Variants in ANKRD11 observed in about 807,000 individuals in gnomAD.
ANKRD11 encodes the protein ankyrin repeat domain 11.
A neutral mutation model predicts 195.7 loss-of-function variants in ANKRD11; 17 were observed. The observed-to-expected ratio is 0.09, with a 90% CI of 0.06 to 0.13. The LOEUF (loss-of-function observed/expected upper bound fraction) is 0.13. Ranked by LOEUF, ANKRD11 falls within the 10% of genes least tolerant of loss-of-function variation. The pLI is 1.00. For synonymous variants in ANKRD11, 1,953 were observed against 1,528.1 expected (o/e 1.28, Z -6.49); for missense variants, 3,735 against 3,566.1 (o/e 1.05, Z -1.21).
At chr16:89,452,078 G>A (rs1190230622) in intron 1 of ANKRD11, among the ~76,000 whole-genome samples, 5 of 152,028 alleles carry the variant, frequency 3.3e-5, no homozygotes, top group African/African-American at 4.8e-5. Flanking sequence ...GGACAACACG[G>A]TGAAACCCCA....
intron 3 of ANKRD11, among the ~76,000 whole-genome samples, chr16:89,314,206 ACT>A (rs746458011): frequency 6.6e-4 from 101 of 151,978 alleles, no homozygotes; most frequent in Non-Finnish European, 1.3e-3. Context: ...GTGAGCTGAG[ACT>A]CTACCACTGC....
At chr16:89,314,402 GTTCA>G (rs1198306755) in intron 3 of ANKRD11, among the ~76,000 whole-genome samples, 1 of 152,178 alleles carries the variant, frequency 6.6e-6, no homozygotes, top group Non-Finnish European at 1.5e-5. Flanking sequence ...TATCAGGCCA[GTTCA>G]TCAAGTCTCT....
In ANKRD11 at chr16:89,290,768, G is replaced by A. The variant is rs780204136; in HGVS notation, c.458C>T (p.Ser153Phe). The A allele has an allele frequency of 1.9e-6, 3 of 1,614,156 alleles. No individual in the cohort carries two copies. In the South Asian group the frequency reaches 3.3e-5, roughly 18 times the overall value. Residue 153 changes from serine to phenylalanine, a missense_variant, in exon 6 of 13, where the codon TCT becomes TTT. Transcript: ENST00000301030. ...CACTTTATCTTTGGTTTTTGAGGCA[G>A]AGTTGGGCGTTCCCTTCTGACACAC... Reference protein sequence around the residue: ...STVCQKGTPNSASKTKDKVNK... With the variant: ...STVCQKGTPNFASKTKDKVNK...
chr16:89,334,144 T>TAAAAAAAAAAAAAAAAAAAAA (rs869142504), intron 2 of ANKRD11, among the ~76,000 whole-genome samples: 5 of 41,416 alleles, frequency 1.2e-4, no homozygotes, highest in African/African-American at 4.8e-4. Flanking sequence ...CCCTGTGTTT[T>TAAAAAAAAAAAAAAAAAAAAA]AAAAAAAAAA....
Position 89,280,983 on chromosome 16 carries a change from T to C in ANKRD11, c.5559A>G (p.Pro1853=), listed in dbSNP as rs750925480. ...FACLSPGYYS[P]DYGLPSPKVD... ...CTTTGGGCGACGGGAGGCCATAGTC[T>C]GGGGAGTAGTACCCTGGCGACAAGC... Residue 1853 remains proline, a synonymous_variant, in exon 9 of 13, where the codon CCA becomes CCG. Transcript: ENST00000301030. The C allele has an allele frequency of 6.4e-7, 1 of 1,574,416 alleles. No individual in the cohort carries two copies. Among genetic ancestry groups the C allele is most frequent in the Non-Finnish European group, 8.6e-7 (1 of 1,157,872 alleles).
chr16:89,481,088 G>A (rs2057429585), intron 1 of ANKRD11, among the ~76,000 whole-genome samples: 1 of 151,996 alleles, frequency 6.6e-6, no homozygotes, highest in Non-Finnish European at 1.5e-5. Flanking sequence ...TTGCTCTATC[G>A]TTTCACAAAG....
At chr16:89,269,486 C>G (rs187977191) in intron 12 of ANKRD11, among the ~76,000 whole-genome samples, 1 of 152,196 alleles carries the variant, frequency 6.6e-6, no homozygotes, top group Non-Finnish European at 1.5e-5. Context: ...GCTCAGACAT[C>G]ACCAGTGTAA....
chr16:89,472,521 C>A (rs2057121260), intron 1 of ANKRD11, among the ~76,000 whole-genome samples: 1 of 152,190 alleles, frequency 6.6e-6, no homozygotes, highest in South Asian at 2.1e-4. Context: ...TCCTCTGACC[C>A]ATTTATTGAT....
chr16:89,448,422 C>T (rs1019979706), intron 1 of ANKRD11, among the ~76,000 whole-genome samples: 1 of 152,186 alleles, frequency 6.6e-6, no homozygotes, highest in Admixed American at 6.5e-5. Context: ...TCAGAATTCA[C>T]ACCATGAGTT....
chr16:89,390,968 C>G (rs1311563581), intron 2 of ANKRD11, among the ~76,000 whole-genome samples: 2 of 152,154 alleles, frequency 1.3e-5, no homozygotes, highest in Non-Finnish European at 2.9e-5. Flanking sequence ...ATGGCTCACG[C>G]CTGTAATCAC....
chr16:89,280,708 T>C lies in ANKRD11; in HGVS notation c.5834A>G (p.Glu1945Gly). ...GGGGTGGGCCCACTCAACGGGCTCCTCGGTGATGACGGCGCTGAAGGGACC... is the reference window on the plus strand; with the variant it reads ...GGGGTGGGCCCACTCAACGGGCTCCCCGGTGATGACGGCGCTGAAGGGACC... ...DEGPFSAVIT[E>G]EPVEWAHPSE... The change falls in exon 9 of 13, where the codon GAG becomes GGG. Residue 1945 changes from glutamate to glycine, a missense_variant. Coordinates refer to ENST00000301030, the MANE Select transcript of ANKRD11 (RefSeq NM_013275.6). 2 of 1,613,186 alleles carry C rather than the reference T, an allele frequency of 1.2e-6. No individual in the cohort carries two copies. The highest frequency in any genetic ancestry group is 1.7e-6 in the Non-Finnish European group (2 of 1,179,860).
rs1055855275 is a variant in ANKRD11, at chr16:89,280,899, G to A, written c.5643C>T (p.Gly1881=). The stretch of plus-strand genomic sequence containing the variant: ...GTTTTGCTTGTAAACTTGAGAAGAC[G>A]CCCTCTGGAGACGGGGTGACAGTGA... The part of the protein sequence containing the change: ...AVVTVTPSPE[G]VFSSLQAKPS... Residue 1881 remains glycine (G), a synonymous_variant, in exon 9 of 13, where the codon GGC becomes GGT. Transcript: ENST00000301030. The A allele has an allele frequency of 2.5e-6, 4 of 1,602,690 alleles. No homozygotes were observed. The African/African-American group carries it at 4.0e-5, about 16-fold the overall frequency.
At chr16:89,337,007 C>CAAAAAAAAAAAAAA (rs60248736) in intron 2 of ANKRD11, among the ~76,000 whole-genome samples, 1 of 47,730 alleles carries the variant, frequency 2.1e-5, no homozygotes. Context: ...CTGGCTCTAC[C>CAAAAAAAAAAAAAA]AAAAAAAAAA....
At chr16:89,329,013 C>CAG (rs2037903638) in intron 2 of ANKRD11, 1 of 150,476 alleles carries the variant, frequency 6.6e-6, no homozygotes, top group East Asian at 2.0e-4. Flanking sequence ...ACGGGCGAAT[C>CAG]TGCAGAGGCC....
At chr16:89,424,687 T>G (rs2042647303) in intron 1 of ANKRD11, among the ~76,000 whole-genome samples, 1 of 152,114 alleles carries the variant, frequency 6.6e-6, no homozygotes, top group Non-Finnish European at 1.5e-5. Context: ...GACAAATTTT[T>G]CAAATGGAGG....
intron 2 of ANKRD11, among the ~76,000 whole-genome samples, chr16:89,332,674 G>A (rs2038128199): frequency 6.6e-6 from 1 of 152,196 alleles, no homozygotes; most frequent in Non-Finnish European, 1.5e-5. Context: ...CAACGAGAGA[G>A]GCGCTGAGAC....
At chr16:89,409,389 C>T (rs2042031683) in intron 2 of ANKRD11, among the ~76,000 whole-genome samples, 1 of 152,222 alleles carries the variant, frequency 6.6e-6, no homozygotes, top group African/African-American at 2.4e-5. Context: ...CGGTCCCCAT[C>T]CTCAGGCCAT....
intron 4 of ANKRD11, among the ~76,000 whole-genome samples, chr16:89,294,327 C>T (rs2035270209): frequency 6.6e-6 from 1 of 152,172 alleles, no homozygotes; most frequent in African/African-American, 2.4e-5. Context: ...AGCTTGCTCC[C>T]AGGAAGCAGC....
At chr16:89,334,558 G>A (rs1451597162) in intron 2 of ANKRD11, among the ~76,000 whole-genome samples, 1 of 152,026 alleles carries the variant, frequency 6.6e-6, no homozygotes. Context: ...GTGGGCATGC[G>A]GCATGCTATG....
Sources: allele counts gnomAD v4.1 joint callset (sites outside exome capture counted in the v4.1 genomes callset), GRCh38; gene constraint gnomAD v4.1.1; transcripts MANE v1.5; gene names NCBI Gene and HGNC (gene_info 2026-07-23, HGNC 2026-07-21).